Variants in AUH observed in about 807,000 individuals in gnomAD.
AUH encodes the protein methylglutaconyl-CoA hydratase, mitochondrial.
In AUH, 29 loss-of-function variants were observed where a neutral mutation model predicts 42.3. The observed-to-expected ratio is 0.69, with a 90% CI of 0.51 to 0.93. The LOEUF is 0.93. Among genes scored for constraint, AUH ranks in the 40% least tolerant of loss-of-function variants. The probability of loss-of-function intolerance (pLI) is 0.00; values close to 1 mark genes in which losing one functional copy is unlikely to be tolerated. For missense variants in AUH, 452 were observed against 438.1 expected (o/e 1.03, Z -0.28); for synonymous variants, 174 against 166.4 (o/e 1.05, Z -0.35).
chr9:91,336,688 GAAAA>G (rs1331123176), intron 3 of AUH, among the ~76,000 whole-genome samples: 2 of 107,808 alleles, frequency 1.9e-5, no homozygotes, highest in Non-Finnish European at 4.0e-5. Context: ...TCCAGAAAAA[GAAAA>G]AAAAAAAAAG....
intron 6 of AUH, among the ~76,000 whole-genome samples, chr9:91,259,714 A>G (rs2131434426): frequency 6.6e-6 from 1 of 152,116 alleles, no homozygotes; most frequent in East Asian, 1.9e-4. Context: ...ATATTCTTTT[A>G]TTTTCCAATT....
chr9:91,257,335 T>C (rs2131418820), intron 6 of AUH, among the ~76,000 whole-genome samples: 1 of 152,028 alleles, frequency 6.6e-6, no homozygotes, highest in Non-Finnish European at 1.5e-5. Flanking sequence ...GATGGGGATC[T>C]GTAGTCAGAC....
chr9:91,225,591 C>T (rs1378139231), intron 6 of AUH, among the ~76,000 whole-genome samples: 4 of 151,634 alleles, frequency 2.6e-5, no homozygotes, highest in Non-Finnish European at 4.4e-5. Context: ...TACATGTGCA[C>T]ATTGTGCAGG....
At chr9:91,267,756 C>T (rs1368132349) in intron 6 of AUH, among the ~76,000 whole-genome samples, 1 of 152,096 alleles carries the variant, frequency 6.6e-6, no homozygotes, top group Non-Finnish European at 1.5e-5. Context: ...ACTGAGTACT[C>T]CAGGCAGGCA....
In AUH at chr9:91,218,092, T is replaced by C. The variant is rs190944963; in HGVS notation, c.844-765A>G. On this transcript the variant is annotated intron_variant, in intron 7 of 9. Transcript: ENST00000375731. ...ATTCAATGCTATATTTTGAACTGAA[T>C]GCTCTTTTGAATTAAAACACAAGGT... Among the ~76,000 whole-genome samples, 39 of 152,344 alleles carry C rather than the reference T, an allele frequency of 2.6e-4. No homozygotes were observed. The East Asian group carries it at 4.8e-3, about 19-fold the overall frequency.
At chr9:91,292,071 T>A (rs1189097012) in intron 6 of AUH, among the ~76,000 whole-genome samples, 1 of 152,142 alleles carries the variant, frequency 6.6e-6, no homozygotes, top group Non-Finnish European at 1.5e-5. Context: ...TTCAGATTTA[T>A]TGGGTGATGC....
At chr9:91,229,565 ATAGTGT>A (rs1471789105) in intron 6 of AUH, among the ~76,000 whole-genome samples, 23 of 150,330 alleles carry the variant, frequency 1.5e-4, no homozygotes, top group Non-Finnish European at 2.5e-4. Flanking sequence ...TTTAAAGTTA[ATAGTGT>A]TATGTGTGAA....
At chr9:91,313,069 C>G (rs981806211) in intron 4 of AUH, among the ~76,000 whole-genome samples, 3 of 151,220 alleles carry the variant, frequency 2.0e-5, no homozygotes, top group Admixed American at 6.6e-5. Context: ...TCAGGCTTTG[C>G]GGGGGGGGTT....
intron 6 of AUH, among the ~76,000 whole-genome samples, chr9:91,283,180 T>C (rs1826115382): frequency 6.6e-6 from 1 of 152,100 alleles, no homozygotes; most frequent in African/African-American, 2.4e-5. Flanking sequence ...ATAAACGTAA[T>C]CCAGCATATA....
chr9:91,253,071 A>G (rs1374372226), intron 6 of AUH, among the ~76,000 whole-genome samples: 1 of 152,242 alleles, frequency 6.6e-6, no homozygotes, highest in Non-Finnish European at 1.5e-5. Context: ...CACTATTTGA[A>G]ATGATTAAGT....
intron 4 of AUH, among the ~76,000 whole-genome samples, chr9:91,310,090 T>A (rs1208647501): frequency 1.3e-5 from 2 of 152,192 alleles, no homozygotes; most frequent in African/African-American, 4.8e-5. Context: ...CATCACTACC[T>A]TCACATATCA....
chr9:91,290,318 G>A (rs149349246), intron 6 of AUH, among the ~76,000 whole-genome samples: 25 of 152,220 alleles, frequency 1.6e-4, no homozygotes, highest in East Asian at 1.9e-4. Flanking sequence ...TCCAGAGGCC[G>A]AGGTGGGAAG....
intron 3 of AUH, among the ~76,000 whole-genome samples, chr9:91,333,135 C>A (rs149562262): frequency 6.8e-4 from 104 of 152,324 alleles, no homozygotes; most frequent in African/African-American, 2.4e-3. Context: ...GACCTCCCAT[C>A]CTGTCATGGC....
intron 3 of AUH, among the ~76,000 whole-genome samples, chr9:91,333,040 C>T (rs1159634696): frequency 6.6e-6 from 1 of 152,198 alleles, no homozygotes; most frequent in African/African-American, 2.4e-5. Context: ...TGGAGCAAGT[C>T]TTTCCAAAGG....
intron 3 of AUH, among the ~76,000 whole-genome samples, chr9:91,352,468 G>A (rs1041401298): frequency 1.3e-5 from 2 of 151,988 alleles, no homozygotes; most frequent in Admixed American, 6.6e-5. Flanking sequence ...TAGGGTTAGA[G>A]AGAGTTCTCT....
chr9:91,259,501 A>G (rs1315122324), intron 6 of AUH, among the ~76,000 whole-genome samples: 4 of 151,634 alleles, frequency 2.6e-5, no homozygotes, highest in Non-Finnish European at 1.5e-5. Flanking sequence ...TGCATAACCT[A>G]TTTCACTAGT....
chr9:91,313,069 C>CGG (rs147878836), intron 4 of AUH, among the ~76,000 whole-genome samples: 4 of 151,336 alleles, frequency 2.6e-5, no homozygotes, highest in Admixed American at 2.0e-4. Flanking sequence ...TCAGGCTTTG[C>CGG]GGGGGGGGTT....
At chr9:91,253,749 T>A (rs1829261235) in intron 6 of AUH, among the ~76,000 whole-genome samples, 1 of 152,226 alleles carries the variant, frequency 6.6e-6, no homozygotes, top group Non-Finnish European at 1.5e-5. Context: ...CCATGTGAAT[T>A]AACACTCAGC....
chr9:91,349,874 A>G (rs1433613359), intron 3 of AUH, among the ~76,000 whole-genome samples: 2 of 152,232 alleles, frequency 1.3e-5, no homozygotes, highest in Non-Finnish European at 2.9e-5. Context: ...TTAGTATTCT[A>G]AGAGAAGTAC....
Sources: gnomAD v4.1 joint callset for allele counts (sites outside exome capture counted in the v4.1 genomes callset) on GRCh38, gnomAD v4.1.1 for gene constraint, MANE v1.5 for transcripts, NCBI Gene and HGNC (gene_info 2026-07-23, HGNC 2026-07-21) for gene names.